Variants in TRPC4AP observed in about 807,000 individuals in gnomAD.
The protein encoded by TRPC4AP is transient receptor potential cation channel subfamily C member 4 associated protein.
A neutral mutation model predicts 99.0 loss-of-function variants in TRPC4AP; 45 were observed. That is an observed-to-expected ratio of 0.45 (90% confidence interval 0.36 to 0.58). TRPC4AP has a LOEUF of 0.58. Ranked by LOEUF, TRPC4AP falls within the 20% of genes least tolerant of loss-of-function variation. The pLI, the probability that TRPC4AP is intolerant of heterozygous loss-of-function variation, is 0.00. For synonymous variants in TRPC4AP, 408 were observed against 385.8 expected (o/e 1.06, Z -0.67); for missense variants, 879 against 985.3 (o/e 0.89, Z 1.44).
Position 35,050,417 on chromosome 20 carries a change from T to C in TRPC4AP, c.529-423A>G, listed in dbSNP as rs147249334. ...ATTTTTTTCATCAGTAAAATGATCATCTTAAAAGTCTTTGAGGCCAGGCGT... is the reference window on the plus strand; with the variant it reads ...ATTTTTTTCATCAGTAAAATGATCACCTTAAAAGTCTTTGAGGCCAGGCGT... On this transcript the variant is annotated intron_variant, in intron 5 of 18. Coordinates refer to ENST00000252015, the MANE Select transcript of TRPC4AP (RefSeq NM_015638.3). Among the ~76,000 whole-genome samples, 220 of 152,114 alleles carry C rather than the reference T, an allele frequency of 1.4e-3. 4 individuals are homozygous for C. The East Asian group carries it at 0.039, about 27-fold the overall frequency.
chr20:35,074,091 T>G (rs1600647636), intron 2 of TRPC4AP, among the ~76,000 whole-genome samples: 1 of 152,230 alleles, frequency 6.6e-6, no homozygotes, highest in East Asian at 1.9e-4. Flanking sequence ...CTGATGGTAG[T>G]TTGTATTTCT....
At chr20:35,055,711 A>G (rs528131489) in intron 4 of TRPC4AP, among the ~76,000 whole-genome samples, 2 of 152,346 alleles carry the variant, frequency 1.3e-5, no homozygotes, top group African/African-American at 4.8e-5. Flanking sequence ...CTCTTGTTAT[A>G]AATTTCCATT....
In TRPC4AP at chr20:35,003,274, T is replaced by C. The variant is rs140196281; in HGVS notation, c.2266A>G (p.Ile756Val). 1.3e-5 allele frequency: 21 copies of C among 1,613,918 alleles called. No individual in the cohort carries two copies. Among genetic ancestry groups the C allele is most frequent in the East Asian group, 2.2e-5 (1 of 44,872 alleles). The stretch of plus-strand genomic sequence containing the variant: ...GTCTCCTTCCAGTATGAGAAGCTGA[T>C]GCAGGAGCTCTGGGCAAAGAGGGAG... Reference protein sequence around the residue: ...DSTCLENSSCISFSYWKETVS... With the variant: ...DSTCLENSSCVSFSYWKETVS... The change falls in exon 19 of 19, where the codon ATC becomes GTC. Residue 756 changes from isoleucine to valine, a missense_variant. By Grantham distance (29) the Ile-to-Val change is conservative. Coordinates refer to ENST00000252015, the MANE Select transcript of TRPC4AP (RefSeq NM_015638.3).
chr20:35,063,066 T>C (rs146015691), intron 3 of TRPC4AP, among the ~76,000 whole-genome samples: 2 of 152,342 alleles, frequency 1.3e-5, no homozygotes, highest in African/African-American at 4.8e-5. Flanking sequence ...TGGAGGTGAC[T>C]GGATCATGGA....
At chr20:35,066,293 G>A (rs1312192997) in intron 3 of TRPC4AP, among the ~76,000 whole-genome samples, 1 of 152,056 alleles carries the variant, frequency 6.6e-6, no homozygotes, top group Non-Finnish European at 1.5e-5. Context: ...TTTTAGTAGT[G>A]ATGGGGTTTT....
At chr20:35,035,344 A>C (rs959912790) in intron 7 of TRPC4AP, 36 bp from the exon 8 acceptor site, 2 of 1,599,982 alleles carry the variant, frequency 1.3e-6, no homozygotes, top group Admixed American at 1.7e-5. Context: ...AATTTTCAAA[A>C]TAGAGACCAG....
intron 10 of TRPC4AP, 39 bp from the exon 11 acceptor site, chr20:35,013,105 C>T: frequency 6.2e-7 from 1 of 1,605,654 alleles, no homozygotes; most frequent in South Asian, 1.1e-5. Context: ...GGACCACAGC[C>T]ACAAGGTTCC....
rs1002968889 is a variant in TRPC4AP at position 35,057,714 on chromosome 20, A to C, written c.415-143T>G. ...TCCAGGAGGCAGTTAAGGTTCAGTA[A>C]GGCTCCTGACTGCAGCAAGTCAGGA... On this transcript the variant is annotated intron_variant, in intron 3 of 18. Transcript: ENST00000252015. The C allele has an allele frequency of 3.2e-5, 20 of 625,164 alleles. No individual in the cohort carries two copies. The African/African-American group carries it at 3.8e-4, about 12-fold the overall frequency. 38.7% of individuals were successfully genotyped at this position (625,164 alleles called of 1,614,324 possible).
intron 3 of TRPC4AP, among the ~76,000 whole-genome samples, chr20:35,066,301 T>C (rs935036389): frequency 3.3e-5 from 5 of 151,996 alleles, no homozygotes; most frequent in African/African-American, 7.3e-5. Context: ...GTGATGGGGT[T>C]TTGCCGTGTT....
chr20:35,039,284 G>T (rs1257027546), intron 7 of TRPC4AP, among the ~76,000 whole-genome samples: 1 of 152,098 alleles, frequency 6.6e-6, no homozygotes. Flanking sequence ...GGAAGTGCCC[G>T]GTACTCAGGG....
Position 35,069,432 on chromosome 20 carries a change from G to C in TRPC4AP, c.298-20C>G. 2 of 1,478,354 alleles carry C rather than the reference G, an allele frequency of 1.4e-6. No homozygotes were observed. The highest frequency in any genetic ancestry group is 1.9e-6 in the Non-Finnish European group (2 of 1,059,642). The allele number at this position is 1,478,354 out of a possible 1,614,324, so 91.6% of individuals were successfully genotyped here. ...AATTTCCTAGTTTTTTTAAAAAAAAGTACATACATTGTTTTAGTAACCAAC... is the reference window on the plus strand; with the variant it reads ...AATTTCCTAGTTTTTTTAAAAAAAACTACATACATTGTTTTAGTAACCAAC... On this transcript the variant is annotated intron_variant, in intron 2 of 18. Transcript: ENST00000252015.
intron 8 of TRPC4AP, among the ~76,000 whole-genome samples, chr20:35,031,390 C>CAT (rs2083190523): frequency 1.4e-5 from 1 of 73,666 alleles, no homozygotes; most frequent in Non-Finnish European, 2.5e-5. Flanking sequence ...CCCTGGTTAA[C>CAT]TTTTTTTTTT....
In TRPC4AP at chr20:35,035,126, G is replaced by A. The variant is rs1401336676; in HGVS notation, c.1048C>T (p.Gln350Ter). The A allele has an allele frequency of 1.2e-6, 2 of 1,613,366 alleles. No individual in the cohort carries two copies. The highest frequency in any genetic ancestry group is 3.3e-5 in the Admixed American group (2 of 59,946). ...CAGGGGACCCATCCTTCCATACCTT[G>A]ATTGTGCTCTGACTCCTCATTGGCC... is the stretch of plus-strand genomic sequence containing the variant. ...RVANEESEHN[Q>*]ASIVFPPPGA... Residue 350 changes from glutamine to a stop codon, truncating the protein, a stop_gained, in exon 8 of 19, where the codon CAA becomes TAA. Transcript: ENST00000252015. LOFTEE classifies it high-confidence loss of function.
At chr20:35,009,784 C>CAACCTAA (rs1409918872) in intron 12 of TRPC4AP, among the ~76,000 whole-genome samples, 8 of 152,252 alleles carry the variant, frequency 5.3e-5, no homozygotes, top group African/African-American at 1.9e-4. Flanking sequence ...CCAGGTAATG[C>CAACCTAA]AACCTAACAC....
At chr20:35,049,718 G>T in intron 6 of TRPC4AP, 148 bp downstream of exon 6, 1 of 828,858 alleles carries the variant, frequency 1.2e-6, no homozygotes, top group Non-Finnish European at 1.8e-6. Context: ...AGTATAAGGG[G>T]TAATCAAGTT....
intron 1 of TRPC4AP, among the ~76,000 whole-genome samples, chr20:35,084,532 A>G (rs540876047): frequency 6.8e-6 from 1 of 148,136 alleles, no homozygotes; most frequent in African/African-American, 2.5e-5. Flanking sequence ...GTATATATGT[A>G]TATATGTATA....
At chr20:35,080,129 A>T (rs951463842) in intron 1 of TRPC4AP, among the ~76,000 whole-genome samples, 2 of 152,112 alleles carry the variant, frequency 1.3e-5, no homozygotes, top group Non-Finnish European at 2.9e-5. Context: ...ATTATTCAGC[A>T]AAAAAAGTAA....
At chr20:35,083,282 G>A (rs2084698565) in intron 1 of TRPC4AP, among the ~76,000 whole-genome samples, 3 of 151,958 alleles carry the variant, frequency 2.0e-5, no homozygotes, top group Non-Finnish European at 4.4e-5. Context: ...ACAAAGTTAT[G>A]CAAGACGGCT....
At chr20:35,031,390 C>CTTTTTTT (rs71299218) in intron 8 of TRPC4AP, among the ~76,000 whole-genome samples, 1 of 73,658 alleles carries the variant, frequency 1.4e-5, no homozygotes, top group African/African-American at 5.9e-5. Flanking sequence ...CCCTGGTTAA[C>CTTTTTTT]TTTTTTTTTT....
Sources: allele counts gnomAD v4.1 joint callset (sites outside exome capture counted in the v4.1 genomes callset), GRCh38; gene constraint gnomAD v4.1.1; transcripts MANE v1.5; gene names NCBI Gene and HGNC (gene_info 2026-07-23, HGNC 2026-07-21).